SMAD1: variants seen among roughly 807,000 people sequenced by gnomAD.
SMAD1 encodes the protein SMAD family member 1.
Under a neutral mutation model 41.6 loss-of-function variants are expected in SMAD1, and 6 were observed. That is an observed-to-expected ratio of 0.14 (90% CI 0.08 to 0.28). The LOEUF is 0.28. SMAD1 is among the 10% of genes least tolerant of loss of function. The pLI, the probability that SMAD1 is intolerant of heterozygous loss-of-function variation, is 1.00. For synonymous variants in SMAD1, 206 were observed against 203.2 expected, an observed-to-expected ratio of 1.01 and a Z score of -0.12; for missense variants, 379 against 582.6, an observed-to-expected ratio of 0.65 and a Z score of 3.60.
chr4:145,526,366 A>C (rs1256562593), intron 2 of SMAD1, among the ~76,000 whole-genome samples: 2 of 152,222 alleles, frequency 1.3e-5, no homozygotes, highest in Non-Finnish European at 2.9e-5. Flanking sequence ...GTGTGTGACA[A>C]TACCTTTCTT....
At chr4:145,552,772 A>G (rs1344559272) in intron 5 of SMAD1, among the ~76,000 whole-genome samples, 2 of 152,094 alleles carry the variant, frequency 1.3e-5, no homozygotes, top group Non-Finnish European at 2.9e-5. Context: ...TAAATGCAAG[A>G]GCGCTTTATA....
intron 1 of SMAD1, among the ~76,000 whole-genome samples, chr4:145,500,323 C>G (rs1454200817): frequency 6.6e-6 from 1 of 152,142 alleles, no homozygotes; most frequent in Non-Finnish European, 1.5e-5. Context: ...GCTCTGAAGT[C>G]TCTGTGGGTC....
At chr4:145,486,592 A>G (rs1286277044) in intron 1 of SMAD1, among the ~76,000 whole-genome samples, 2 of 152,198 alleles carry the variant, frequency 1.3e-5, no homozygotes, top group Non-Finnish European at 1.5e-5. Context: ...CTTATATGTC[A>G]TGGTGAGTTA....
intron 2 of SMAD1, among the ~76,000 whole-genome samples, chr4:145,522,649 T>C (rs1234192581): frequency 2.6e-5 from 4 of 152,112 alleles, no homozygotes; most frequent in African/African-American, 9.7e-5. Flanking sequence ...CACCACATTG[T>C]GAATGTGTTT....
In SMAD1 at chr4:145,508,608, TTAAGTC is replaced by T. The variant is rs566967824; in HGVS notation, c.-176-5828_-176-5823del. Among the ~76,000 whole-genome samples the T allele has an allele frequency of 2.5e-3, 374 of 152,300 alleles. 1 individual carries two copies. The highest frequency in any genetic ancestry group is 4.1e-3 in the Non-Finnish European group (280 of 68,016). ...TGTTTTGCAAAATTCTACTTATCCT[TTAAGTC>T]TGATGTTTTCTCTTGGAAAAAAATG... On this transcript the variant is annotated intron_variant, in intron 1 of 6. Coordinates refer to ENST00000302085, the MANE Select transcript of SMAD1 (RefSeq NM_005900.3).
intron 2 of SMAD1, among the ~76,000 whole-genome samples, chr4:145,536,893 TG>T (rs1172770053): frequency 3.3e-5 from 5 of 152,092 alleles, no homozygotes; most frequent in Non-Finnish European, 5.9e-5. Flanking sequence ...CTTCTGTGCA[TG>T]TGAACTGAGA....
intron 2 of SMAD1, among the ~76,000 whole-genome samples, chr4:145,528,382 C>T (rs879258158): frequency 2.0e-5 from 3 of 151,928 alleles, no homozygotes; most frequent in East Asian, 1.9e-4. Flanking sequence ...GGATTACAGG[C>T]GTAAGCCACT....
At chr4:145,494,875 G>A (rs1196790586) in intron 1 of SMAD1, among the ~76,000 whole-genome samples, 1 of 152,154 alleles carries the variant, frequency 6.6e-6, no homozygotes, top group Non-Finnish European at 1.5e-5. Context: ...AGGATTGACT[G>A]CTTTGCTTCC....
chr4:145,520,562 T>C (rs973586131), intron 2 of SMAD1, among the ~76,000 whole-genome samples: 4 of 152,242 alleles, frequency 2.6e-5, no homozygotes, highest in Non-Finnish European at 5.9e-5. Flanking sequence ...GTCTTTTAAA[T>C]CCTCCAGCAT....
chr4:145,546,747 A>T lies in SMAD1; in HGVS notation c.820A>T (p.Ile274Phe). The T allele has an allele frequency of 6.2e-7, 1 of 1,613,932 alleles. No individual in the cohort carries two copies. Among genetic ancestry groups the T allele is most frequent in the Non-Finnish European group, 8.5e-7 (1 of 1,179,994 alleles). Residue 274 changes from isoleucine to phenylalanine, a missense_variant, in exon 5 of 7, where the codon ATT (isoleucine) becomes TTT (phenylalanine). Physicochemically the swap from Ile to Phe is conservative, Grantham distance 21 (BLOSUM62 0). Transcript: ENST00000302085. ...AYEEPKHWCS[I>F]VYYELNNRVG... ...TGAGGAACCAAAACACTGGTGCTCT[A>T]TTGTCTACTATGAGCTCAACAATCG...
intron 1 of SMAD1, among the ~76,000 whole-genome samples, chr4:145,493,845 T>G (rs901101179): frequency 1.3e-5 from 2 of 152,230 alleles, no homozygotes; most frequent in East Asian, 3.8e-4. Flanking sequence ...ATCTAATTGG[T>G]AAGAGGAGAT....
chr4:145,494,237 G>A (rs567004693), intron 1 of SMAD1, among the ~76,000 whole-genome samples: 1 of 152,346 alleles, frequency 6.6e-6, no homozygotes, highest in South Asian at 2.1e-4. Flanking sequence ...TGGGATTACA[G>A]GCGTGAGCCA....
Position 145,500,236 on chromosome 4 carries a change from T to C in SMAD1, c.-176-14202T>C, listed in dbSNP as rs141510575. ...TCTCAACCCAGCAAGCCACAGTAATTCTATTAAACTCTAAGTTGGATGATG... is the reference window on the plus strand; with the variant it reads ...TCTCAACCCAGCAAGCCACAGTAATCCTATTAAACTCTAAGTTGGATGATG... On this transcript the variant is annotated intron_variant, in intron 1 of 6. Transcript: ENST00000302085. 1.3e-3 allele frequency among the ~76,000 whole-genome samples: 204 copies of C among 152,190 alleles called. 1 individual carries two copies. Among genetic ancestry groups the C allele is most frequent in the Non-Finnish European group, 2.6e-3 (177 of 68,010 alleles).
At chr4:145,555,596 C>T (rs182897636) in intron 6 of SMAD1, among the ~76,000 whole-genome samples, 2 of 152,246 alleles carry the variant, frequency 1.3e-5, no homozygotes, top group African/African-American at 4.8e-5. Flanking sequence ...AAACTCATTT[C>T]TTATTGTTTA....
intron 2 of SMAD1, among the ~76,000 whole-genome samples, chr4:145,527,583 T>C (rs560755143): frequency 4.1e-4 from 63 of 152,070 alleles, no homozygotes; most frequent in Non-Finnish European, 8.8e-4. Flanking sequence ...GCTACTGATA[T>C]GTAGAATTTG....
chr4:145,488,070 C>A (rs1212690269), intron 1 of SMAD1, among the ~76,000 whole-genome samples: 1 of 151,890 alleles, frequency 6.6e-6, no homozygotes, highest in Non-Finnish European at 1.5e-5. Flanking sequence ...AAGTCCTTAC[C>A]TGGTGATTTT....
At chr4:145,557,630 G>A (rs1404623279) in intron 6 of SMAD1, among the ~76,000 whole-genome samples, 161 bp from the exon 7 acceptor site, 1 of 152,136 alleles carries the variant, frequency 6.6e-6, no homozygotes, top group African/African-American at 2.4e-5. Context: ...AATTATGCGT[G>A]CGTTTGTGCA....
intron 1 of SMAD1, among the ~76,000 whole-genome samples, chr4:145,504,728 T>C (rs1729669751): frequency 6.6e-6 from 1 of 152,204 alleles, no homozygotes; most frequent in Non-Finnish European, 1.5e-5. Context: ...TATCAAAAGT[T>C]TGTAAGTTCC....
chr4:145,495,362 G>A (rs368367341), intron 1 of SMAD1, among the ~76,000 whole-genome samples: 2 of 152,112 alleles, frequency 1.3e-5, no homozygotes, highest in Non-Finnish European at 2.9e-5. Flanking sequence ...AGAGTCCAGA[G>A]TACTATTTTT....
Sources: gnomAD v4.1 joint callset for allele counts (sites outside exome capture counted in the v4.1 genomes callset) on GRCh38, gnomAD v4.1.1 for gene constraint, MANE v1.5 for transcripts, NCBI Gene and HGNC (gene_info 2026-07-23, HGNC 2026-07-21) for gene names.